The following KCND2 variants were observed in gnomAD, a reference collection of about 807,000 sequenced individuals.
KCND2 encodes the protein potassium voltage-gated channel subfamily D member 2.
A neutral mutation model predicts 54.4 loss-of-function variants in KCND2; 16 were observed. The observed-to-expected ratio is 0.29, with a 90% CI of 0.20 to 0.45. The LOEUF (loss-of-function observed/expected upper bound fraction) is 0.45, where lower values mean the gene tolerates loss of function less well. Among genes scored for constraint, KCND2 ranks in the 20% least tolerant of loss-of-function variants. The pLI, the probability that KCND2 is intolerant of heterozygous loss-of-function variation, is 1.00. For missense variants in KCND2, 486 were observed against 824.2 expected (o/e 0.59, Z 5.02); for synonymous variants, 317 against 310.7 (o/e 1.02, Z -0.21).
rs919798999 is a variant in KCND2 at position 120,295,418 on chromosome 7, C to T, written c.1115+19671C>T. 1.1e-4 allele frequency among the ~76,000 whole-genome samples: 16 copies of T among 140,420 alleles called. No individual in the cohort carries two copies. The South Asian group carries it at 1.6e-3, about 14-fold the overall frequency. The allele number at this position is 140,420 out of a possible 152,430, so 92.1% of individuals were successfully genotyped here. A position where few individuals can be genotyped will look rare whatever the true frequency, so the allele number is the denominator to read the frequency against. On this transcript the variant is annotated intron_variant, in intron 1 of 5. Transcript: ENST00000331113. ...GACACACACACACACACAAACACAC[C>T]CACACACATTCTACATTACAGTGCA...
chr7:120,748,137 C>A lies in KCND2; in HGVS notation c.*279C>A, dbSNP rs1213690002. The A allele has an allele frequency of 4.1e-6, 1 of 245,922 alleles. No individual in the cohort carries two copies. Among genetic ancestry groups the A allele is most frequent in the Non-Finnish European group, 7.8e-6 (1 of 128,060 alleles). The allele number at this position is 245,922 out of a possible 1,614,324, so 15.2% of individuals were successfully genotyped here. ...CTACTGATGCTTCTTATGATCAGAA[C>A]TCTTTTTTAATAAAATAAATAACAT... On this transcript the variant is annotated 3_prime_UTR_variant, in exon 6 of 6. Transcript: ENST00000331113.
chr7:120,371,752 CAGT>C (rs1417528690), intron 1 of KCND2, among the ~76,000 whole-genome samples: 1 of 151,930 alleles, frequency 6.6e-6, no homozygotes, highest in African/African-American at 2.4e-5. Context: ...ACAACTCCTA[CAGT>C]ATTCTGTAGA....
intron 1 of KCND2, among the ~76,000 whole-genome samples, chr7:120,329,378 C>T (rs1800029954): frequency 6.6e-6 from 1 of 152,034 alleles, no homozygotes; most frequent in Non-Finnish European, 1.5e-5. Context: ...TCGCCTTGGC[C>T]TCCCAATATG....
intron 1 of KCND2, among the ~76,000 whole-genome samples, chr7:120,340,195 GA>G (rs1239034476): frequency 6.6e-6 from 1 of 152,196 alleles, no homozygotes; most frequent in Non-Finnish European, 1.5e-5. Context: ...AACCAGTTTA[GA>G]AAGGAATATA....
intron 1 of KCND2, among the ~76,000 whole-genome samples, chr7:120,538,490 G>A (rs1360526315): frequency 6.6e-6 from 1 of 152,192 alleles, no homozygotes; most frequent in African/African-American, 2.4e-5. Context: ...ACCAAAAGCT[G>A]CATGGTCATG....
chr7:120,602,993 C>T (rs1792833809), intron 1 of KCND2, among the ~76,000 whole-genome samples: 3 of 152,138 alleles, frequency 2.0e-5, no homozygotes, highest in African/African-American at 7.2e-5. Context: ...TGCTTTAATA[C>T]AGCACAATAT....
intron 1 of KCND2, among the ~76,000 whole-genome samples, chr7:120,350,344 A>C (rs1169232762): frequency 6.6e-6 from 1 of 152,134 alleles, no homozygotes; most frequent in Non-Finnish European, 1.5e-5. Context: ...TCATAACAGC[A>C]TTAATTTTCC....
intron 1 of KCND2, among the ~76,000 whole-genome samples, chr7:120,546,986 G>A (rs1792049681): frequency 6.6e-6 from 1 of 151,346 alleles, no homozygotes; most frequent in Non-Finnish European, 1.5e-5. Context: ...ATGCCCATGA[G>A]ATCTAGATTA....
chr7:120,369,781 A>G lies in KCND2; in HGVS notation c.1115+94034A>G, dbSNP rs191663898. On this transcript the variant is annotated intron_variant, in intron 1 of 5. Transcript: ENST00000331113. ...TTTGTTCATTCACTCAGACAACAATATTTATTTACCACCTGTTATGTACCA... is the reference window on the plus strand; with the variant it reads ...TTTGTTCATTCACTCAGACAACAATGTTTATTTACCACCTGTTATGTACCA... 3.3e-5 allele frequency among the ~76,000 whole-genome samples: 5 copies of G among 152,178 alleles called. No individual in the cohort carries two copies. The South Asian group carries it at 6.2e-4, about 19-fold the overall frequency.
At chr7:120,617,939 T>C (rs377054461) in intron 1 of KCND2, among the ~76,000 whole-genome samples, 2 of 152,164 alleles carry the variant, frequency 1.3e-5, no homozygotes, top group African/African-American at 4.8e-5. Context: ...TGTTCTCACT[T>C]ATAAGTGGGA....
At chr7:120,486,926 A>G (rs1040267227) in intron 1 of KCND2, among the ~76,000 whole-genome samples, 7 of 152,304 alleles carry the variant, frequency 4.6e-5, no homozygotes, top group African/African-American at 1.7e-4. Context: ...TTAAAAAATC[A>G]GAGCTACAAA....
intron 3 of KCND2, 133 bp from the exon 4 acceptor site, chr7:120,742,377 T>A: frequency 1.3e-6 from 1 of 763,442 alleles, no homozygotes; most frequent in Non-Finnish European, 2.4e-6. Context: ...ACTGCACATT[T>A]GTTCCTTTCT....
chr7:120,520,219 A>G (rs1442475827), intron 1 of KCND2, among the ~76,000 whole-genome samples: 1 of 152,128 alleles, frequency 6.6e-6, no homozygotes, highest in Non-Finnish European at 1.5e-5. Flanking sequence ...AGCAGTGGAT[A>G]AGGTATTTAA....
chr7:120,705,450 T>C (rs1329620281), intron 1 of KCND2, among the ~76,000 whole-genome samples: 1 of 152,196 alleles, frequency 6.6e-6, no homozygotes, highest in African/African-American at 2.4e-5. Flanking sequence ...CAATCCAGCT[T>C]CACTTTCCAG....
chr7:120,364,130 A>C (rs887684505), intron 1 of KCND2, among the ~76,000 whole-genome samples: 1 of 152,142 alleles, frequency 6.6e-6, no homozygotes, highest in South Asian at 2.1e-4. Context: ...CTTAGATTTT[A>C]TATTTCTACC....
chr7:120,509,355 G>A (rs1217697566), intron 1 of KCND2, among the ~76,000 whole-genome samples: 2 of 152,036 alleles, frequency 1.3e-5, no homozygotes, highest in Non-Finnish European at 2.9e-5. Context: ...TAATAATGGG[G>A]AAAACTGGGT....
chr7:120,514,847 T>C (rs1199722286), intron 1 of KCND2, among the ~76,000 whole-genome samples: 2 of 152,048 alleles, frequency 1.3e-5, no homozygotes, highest in Non-Finnish European at 2.9e-5. Flanking sequence ...GAATCTAATG[T>C]GGCCTGGTTC....
chr7:120,740,705 C>G (rs79005220), intron 2 of KCND2: 29 of 297,986 alleles, frequency 9.7e-5, no homozygotes, highest in East Asian at 2.0e-4. Context: ...CACCTAAACC[C>G]TCTACATTGA....
intron 1 of KCND2, among the ~76,000 whole-genome samples, chr7:120,476,289 AAC>A (rs1342043811): frequency 6.6e-6 from 1 of 152,204 alleles, no homozygotes; most frequent in African/African-American, 2.4e-5. Flanking sequence ...TGAGGCTTAA[AAC>A]ACATAAACCA....
Sources: gnomAD v4.1 joint callset for allele counts (sites outside exome capture counted in the v4.1 genomes callset) on GRCh38, gnomAD v4.1.1 for gene constraint, MANE v1.5 for transcripts, NCBI Gene and HGNC (gene_info 2026-07-23, HGNC 2026-07-21) for gene names.